Variants in FBN3 observed in about 807,000 individuals in gnomAD.
FBN3 encodes the protein fibrillin-3.
In FBN3, 234 loss-of-function variants were observed where a neutral mutation model predicts 330.1. That is an observed-to-expected ratio of 0.71 (90% CI 0.64 to 0.79). FBN3 has a LOEUF of 0.79. FBN3 is among the 30% of genes least tolerant of loss of function. FBN3 has a pLI of 0.00. For synonymous variants in FBN3, 1,458 were observed against 1,517.3 expected, an observed-to-expected ratio of 0.96 and a Z score of 0.91; for missense variants, 3,606 against 3,886.9, an observed-to-expected ratio of 0.93 and a Z score of 1.92.
chr19:8,066,404 T>C (rs551473643), intron 63 of FBN3, 144 bp from the exon 64 acceptor site: 3 of 671,578 alleles, frequency 4.5e-6, no homozygotes, highest in African/African-American at 1.8e-5. Flanking sequence ...AATGAAATCA[T>C]GCCATTTGCA....
chr19:8,074,706 C>T (rs1412254871), intron 61 of FBN3: 3 of 194,684 alleles, frequency 1.5e-5, no homozygotes, highest in African/African-American at 4.7e-5. Flanking sequence ...AGCATGCACA[C>T]CTCCATTGCC....
rs1361225491 is a variant in FBN3, at chr19:8,075,067, T to C, written c.7702+4A>G. 4 of 1,603,724 alleles carry C rather than the reference T, an allele frequency of 2.5e-6. No individual in the cohort carries two copies. The African/African-American group carries it at 5.4e-5, about 21-fold the overall frequency. ...CCAGCTTCTTCCCAGCCCTTTTCAC[T>C]CACCCACACACTGGGCCCACTGGGA... On this transcript the variant is annotated splice_donor_region_variant and intron_variant, in intron 61 of 63. Transcript: ENST00000600128.
chr19:8,084,993 C>T (rs2081902893), intron 56 of FBN3, among the ~76,000 whole-genome samples: 1 of 152,076 alleles, frequency 6.6e-6, no homozygotes, highest in Non-Finnish European at 1.5e-5. Context: ...CTTAAGCAAT[C>T]CTCCTTCTTC....
chr19:8,085,163 C>T (rs1335345374), intron 56 of FBN3, among the ~76,000 whole-genome samples, 200 bp downstream of exon 56: 3 of 151,906 alleles, frequency 2.0e-5, no homozygotes, highest in East Asian at 1.9e-4. Context: ...CTCAACCCCC[C>T]GAGTTCTTCC....
chr19:8,107,518 T>C lies in FBN3; in HGVS notation c.4687+652A>G, dbSNP rs1292622021. On this transcript the variant is annotated intron_variant, in intron 37 of 63. Transcript: ENST00000600128. ...ATGGATGGATGAATGGATGGAAGGA[T>C]GAGTGGAAGGATGGATGAATGGATG... is the stretch of plus-strand genomic sequence containing the variant. 5.0e-5 allele frequency among the ~76,000 whole-genome samples: 7 copies of C among 140,630 alleles called. No individual in the cohort carries two copies. The South Asian group carries it at 1.4e-3, about 28-fold the overall frequency. The allele number at this position is 140,630 out of a possible 152,430, so 92.3% of individuals were successfully genotyped here.
At chr19:8,130,442 T>G (rs1599414863) in intron 16 of FBN3, among the ~76,000 whole-genome samples, 1 of 136,140 alleles carries the variant, frequency 7.3e-6, no homozygotes, top group South Asian at 2.4e-4. Context: ...ACCCAGGAGG[T>G]GGAGGTTGCA....
chr19:8,145,760 AGTGGGCAG>A, intron 5 of FBN3, 75 bp downstream of exon 5: 2 of 990,850 alleles, frequency 2.0e-6, no homozygotes, highest in South Asian at 2.9e-5. Context: ...AACCCTGGGC[AGTGGGCAG>A]GTGGCAGCAG....
At position 8,096,082 on chromosome 19, in the gene FBN3, T is replaced by C; in HGVS notation, c.5540-2A>G. The C allele has an allele frequency of 4.3e-6, 7 of 1,611,882 alleles. No individual in the cohort carries two copies. The highest frequency in any genetic ancestry group is 5.9e-6 in the Non-Finnish European group (7 of 1,178,044). The stretch of plus-strand genomic sequence containing the variant: ...GCTGCCGGTCACACTCGTCAATGTC[T>C]GCAGAAGCAAAGCCGAGAGCCCAAC... On this transcript the variant is annotated splice_acceptor_variant, in intron 44 of 63. Coordinates refer to ENST00000600128, the MANE Select transcript of FBN3 (RefSeq NM_032447.5). LOFTEE classifies it high-confidence loss of function. The surrounding 1 kb of genome is among the most constrained non-coding windows in gnomAD (Gnocchi z 4.6).
chr19:8,115,393 C>T (rs1292391822), intron 30 of FBN3, 122 bp downstream of exon 30: 19 of 1,263,112 alleles, frequency 1.5e-5, no homozygotes, highest in Non-Finnish European at 1.6e-5. Flanking sequence ...AGAAGCCATC[C>T]GTGGAAATCT....
At chr19:8,142,216 G>A (rs2083434474) in intron 6 of FBN3, 79 bp from the exon 7 acceptor site, 1 of 1,147,056 alleles carries the variant, frequency 8.7e-7, no homozygotes, top group Non-Finnish European at 1.2e-6. Context: ...CACCTTCTCA[G>A]CGGCCCCTGC....
intron 2 of FBN3, 34 bp downstream of exon 2, chr19:8,147,280 G>C (rs371774732): frequency 6.3e-7 from 1 of 1,576,592 alleles, no homozygotes; most frequent in South Asian, 1.2e-5. Flanking sequence ...AATCCACACC[G>C]AAGGGGTCTC....
intron 41 of FBN3, among the ~76,000 whole-genome samples, chr19:8,099,318 T>A (rs1395410171): frequency 4.1e-5 from 6 of 146,698 alleles, no homozygotes; most frequent in Non-Finnish European, 6.0e-5. Context: ...TCTTGCTCTG[T>A]CGCCCAGGCT....
chr19:8,068,230 CA>C (rs61181143), intron 63 of FBN3, among the ~76,000 whole-genome samples: 5,807 of 145,316 alleles, frequency 0.04, 376 homozygotes, highest in African/African-American at 0.14. Flanking sequence ...ACTAAAAATA[CA>C]AAAAAAAAAA....
At chr19:8,127,030 G>C (rs1289661704) in intron 18 of FBN3, among the ~76,000 whole-genome samples, 198 bp from the exon 19 acceptor site, 1 of 150,518 alleles carries the variant, frequency 6.6e-6, no homozygotes, top group African/African-American at 2.4e-5. Context: ...TGCTGTAAGA[G>C]ACAGGAAATG....
Position 8,075,200 on chromosome 19 carries a change from A to G in FBN3, c.7583-10T>C. 1 of 1,567,148 alleles carries G rather than the reference A, an allele frequency of 6.4e-7. No homozygotes were observed. Among genetic ancestry groups the G allele is most frequent in the Non-Finnish European group, 8.7e-7 (1 of 1,152,684 alleles). On this transcript the variant is annotated splice_polypyrimidine_tract_variant and intron_variant, in intron 60 of 63. Coordinates refer to ENST00000600128, the MANE Select transcript of FBN3 (RefSeq NM_032447.5). ...TCACATTCATTCACATCTGAGACAT[A>G]GAGAGAGGGAGAGAGGGTTTACCAG...
chr19:8,138,272 G>A lies in FBN3; in HGVS notation c.1070C>T (p.Pro357Leu), dbSNP rs758591078. ...AQRLPLLPGH[P>L]GLFPGLLGFG... ...GCCCAGGAGGCCAGGGAAGAGGCCA[G>A]GGTGGCCGGGTAGCAGCGGCAGCCG... Residue 357 changes from proline to leucine, a missense_variant, in exon 10 of 64, where the codon CCT becomes CTT. Pro to Leu is a moderately conservative substitution (Grantham distance 98). Coordinates refer to ENST00000600128, the MANE Select transcript of FBN3 (RefSeq NM_032447.5). 1 of 1,612,912 alleles carries A rather than the reference G, an allele frequency of 6.2e-7. No individual in the cohort carries two copies. Among genetic ancestry groups the A allele is most frequent in the East Asian group, 2.2e-5 (1 of 44,882 alleles).
chr19:8,123,913 T>C lies in FBN3; in HGVS notation c.2827A>G (p.Ile943Val). The C allele has an allele frequency of 7.4e-6, 12 of 1,613,912 alleles. No homozygotes were observed. Among genetic ancestry groups the C allele is most frequent in the Non-Finnish European group, 9.3e-6 (11 of 1,180,016 alleles). The change falls in exon 23 of 64, where the codon ATC (isoleucine) becomes GTC (valine). Residue 943 changes from isoleucine to valine, a missense_variant. By Grantham distance (29) the Ile-to-Val change is conservative. Coordinates refer to ENST00000600128, the MANE Select transcript of FBN3 (RefSeq NM_032447.5). ...KYRMDVCCCS[I>V]GAVWGVECEA... is the part of the protein sequence containing the mutation. ...CACTCGACTCCCCACACGGCCCCGA[T>C]GGAGCAGCAGCAGACGTCCATCCGG...
chr19:8,110,005 G>A (rs2144816320), intron 34 of FBN3, among the ~76,000 whole-genome samples: 1 of 152,260 alleles, frequency 6.6e-6, no homozygotes, highest in Non-Finnish European at 1.5e-5. Context: ...AACTCTACCT[G>A]CCCTGGGTTC....
At chr19:8,145,701 G>C (rs1431371754) in intron 5 of FBN3, 142 bp downstream of exon 5, 1 of 339,122 alleles carries the variant, frequency 2.9e-6, no homozygotes, top group East Asian at 4.7e-5. Flanking sequence ...AAAAAAAAAA[G>C]AGACTGTGGC....
Sources: gnomAD v4.1 joint callset for allele counts (sites outside exome capture counted in the v4.1 genomes callset) on GRCh38, gnomAD v4.1.1 for gene constraint, Gnocchi (gnomAD v3.1) non-coding constraint, MANE v1.5 for transcripts, NCBI Gene and HGNC (gene_info 2026-07-23, HGNC 2026-07-21) for gene names.